The following ABLIM2 variants were observed in gnomAD, a reference collection of about 807,000 sequenced individuals.
The protein encoded by ABLIM2 is actin binding LIM protein family member 2, also known as actin-binding LIM protein 2.
Under a neutral mutation model 97.7 loss-of-function variants are expected in ABLIM2, and 53 were observed. That is an observed-to-expected ratio of 0.54 (90% CI 0.44 to 0.68). The LOEUF (loss-of-function observed/expected upper bound fraction) is 0.68. Ranked by LOEUF, ABLIM2 falls within the 30% of genes least tolerant of loss-of-function variation. The probability of loss-of-function intolerance (pLI) is 0.00; values close to 1 mark genes in which losing one functional copy is unlikely to be tolerated. For synonymous variants in ABLIM2, 361 were observed against 345.8 expected, an observed-to-expected ratio of 1.04 and a Z score of -0.49; for missense variants, 835 against 867.2, an observed-to-expected ratio of 0.96 and a Z score of 0.47.
chr4:8,025,605 A>G (rs1776812553), intron 12 of ABLIM2, among the ~76,000 whole-genome samples: 1 of 152,154 alleles, frequency 6.6e-6, no homozygotes, highest in Non-Finnish European at 1.5e-5. Flanking sequence ...CTGAAGTGGT[A>G]AGAATTAGAC....
At chr4:8,137,555 G>C (rs914969215) in intron 1 of ABLIM2, among the ~76,000 whole-genome samples, 2 of 152,222 alleles carry the variant, frequency 1.3e-5, no homozygotes, top group African/African-American at 4.8e-5. Context: ...GAGCCCCTAA[G>C]AGCTCAGCCT....
chr4:8,098,674 C>T (rs114696815), intron 2 of ABLIM2, among the ~76,000 whole-genome samples: 116 of 152,310 alleles, frequency 7.6e-4, no homozygotes, highest in African/African-American at 2.6e-3. Flanking sequence ...GCTCTACCCG[C>T]GTAGTGTGCT....
In ABLIM2 at chr4:7,992,112, G is replaced by A. The variant is rs1283160257; in HGVS notation, c.1680+754C>T. Among the ~76,000 whole-genome samples the A allele has an allele frequency of 6.6e-6, 1 of 152,076 alleles. No homozygotes were observed. The highest frequency in any genetic ancestry group is 2.4e-5 in the African/African-American group (1 of 41,418). ...CTGTGTGTTGGGGGGTCTGGGACCA[G>A]CAAGCCTGCCCCACCCTAAGGATCC... On this transcript the variant is annotated intron_variant, in intron 17 of 20. Transcript: ENST00000447017. This position sits in a 1 kb window ranked among gnomAD's most constrained non-coding sequence, Gnocchi z 5.7.
chr4:8,020,596 A>G, intron 12 of ABLIM2: 2 of 481,780 alleles, frequency 4.2e-6, no homozygotes, highest in Non-Finnish European at 7.5e-6. Flanking sequence ...TAGGGGGCTC[A>G]CTCCATCTGC....
At chr4:8,097,347 G>T in intron 2 of ABLIM2, 65 bp from the exon 3 acceptor site, 1 of 1,528,418 alleles carries the variant, frequency 6.5e-7, no homozygotes, top group Non-Finnish European at 8.8e-7. Flanking sequence ...CCCCAGGCCC[G>T]AGGTGCACCC....
At chr4:8,042,311 T>G (rs777688006) in intron 9 of ABLIM2, among the ~76,000 whole-genome samples, 14 of 152,178 alleles carry the variant, frequency 9.2e-5, no homozygotes, top group Non-Finnish European at 1.9e-4. Context: ...GAGTCTAACC[T>G]TTCCCTCATT....
rs1274522553 is a variant in ABLIM2, at chr4:8,054,835, G to A, written c.764-589C>T. Reference sequence around the variant, plus strand: ...TGTGTTCGGTGGGAGCTGGGCACAAGGCTCAAACACCAGCCCCACCCTGTT... The same window carrying A: ...TGTGTTCGGTGGGAGCTGGGCACAAAGCTCAAACACCAGCCCCACCCTGTT... On this transcript the variant is annotated intron_variant, in intron 7 of 20. Transcript: ENST00000447017. This position sits in a 1 kb window ranked among gnomAD's most constrained non-coding sequence, Gnocchi z 4.9. Among the ~76,000 whole-genome samples, 3 of 151,882 alleles carry A rather than the reference G, an allele frequency of 2.0e-5. No homozygotes were observed. Among genetic ancestry groups the A allele is most frequent in the East Asian group, 1.9e-4 (1 of 5,158 alleles).
chr4:8,013,720 C>T (rs970485390), intron 14 of ABLIM2, among the ~76,000 whole-genome samples: 4 of 152,226 alleles, frequency 2.6e-5, no homozygotes, highest in Non-Finnish European at 5.9e-5. Context: ...CTCAGGGCTG[C>T]ATCGCCACTG....
chr4:8,089,386 C>G (rs1040731515), intron 3 of ABLIM2, among the ~76,000 whole-genome samples: 4 of 152,194 alleles, frequency 2.6e-5, no homozygotes, highest in African/African-American at 9.7e-5. Flanking sequence ...GGCCAGAGAA[C>G]CAGGTGCTTT....
chr4:8,009,221 T>G (rs1341792826), intron 14 of ABLIM2, 119 bp from the exon 15 acceptor site: 2 of 1,235,526 alleles, frequency 1.6e-6, no homozygotes, highest in Non-Finnish European at 2.4e-6. Context: ...AGAAGGTCAG[T>G]AGTACGAGTG....
In ABLIM2 at chr4:8,069,859, G is replaced by T. The variant is rs1810608608; in HGVS notation, c.675+7769C>A. 6.6e-6 allele frequency among the ~76,000 whole-genome samples: 1 copy of T among 152,040 alleles called. No individual in the cohort carries two copies. Among genetic ancestry groups the T allele is most frequent in the South Asian group, 2.1e-4 (1 of 4,814 alleles). On this transcript the variant is annotated intron_variant, in intron 6 of 20. Transcript: ENST00000447017. This position sits in a 1 kb window ranked among gnomAD's most constrained non-coding sequence, Gnocchi z 4.2. ...TGTGGGTGCCGTGTGTGTTTTCTGT[G>T]TGTCTGCGTTGTCGATGTCTGTGTC...
Position 8,046,046 on chromosome 4 carries a change from C to T in ABLIM2, c.823-805G>A, listed in dbSNP as rs377301783. 6.6e-5 allele frequency among the ~76,000 whole-genome samples: 10 copies of T among 152,134 alleles called. No homozygotes were observed. The highest frequency in any genetic ancestry group is 2.9e-5 in the Non-Finnish European group (2 of 68,018). Reference sequence around the variant, plus strand: ...GACACACAACTTAGAAATGGCCCTTCGGAGCCCCCTGGCAGCCACTCTCCC... The same window carrying T: ...GACACACAACTTAGAAATGGCCCTTTGGAGCCCCCTGGCAGCCACTCTCCC... On this transcript the variant is annotated intron_variant, in intron 8 of 20. Coordinates refer to ENST00000447017, the MANE Select transcript of ABLIM2 (RefSeq NM_001130083.2). This position sits in a 1 kb window ranked among gnomAD's most constrained non-coding sequence, Gnocchi z 4.4.
At chr4:8,084,436 G>A (rs1310817121) in intron 4 of ABLIM2, among the ~76,000 whole-genome samples, 2 of 152,172 alleles carry the variant, frequency 1.3e-5, no homozygotes, top group African/African-American at 4.8e-5. Flanking sequence ...AGGGGGCGGG[G>A]GCTCTGGTTT....
chr4:8,051,456 C>G (rs1251893963), intron 8 of ABLIM2, among the ~76,000 whole-genome samples: 1 of 150,296 alleles, frequency 6.7e-6, no homozygotes, highest in East Asian at 2.0e-4. Flanking sequence ...ACTTGGGAGG[C>G]TGCGGCTGAA....
Position 8,154,281 on chromosome 4 carries a change from CTTTTTT to C in ABLIM2, c.10+4393_10+4398del, listed in dbSNP as rs34112937. Among the ~76,000 whole-genome samples the C allele has an allele frequency of 3.4e-3, 389 of 114,506 alleles. 2 individuals carry two copies. The highest frequency in any genetic ancestry group is 4.5e-3 in the Non-Finnish European group (263 of 58,270). The allele number at this position is 114,506 out of a possible 152,430, so 75.1% of individuals were successfully genotyped here. Reference sequence around the variant, plus strand: ...CCAGCCACTTATTTTCTTTTCTTTTCTTTTTTTTTTTTTTTTTTGGAGACAGAGTCT... The same window carrying C: ...CCAGCCACTTATTTTCTTTTCTTTTCTTTTTTTTTTTTGGAGACAGAGTCT... On this transcript the variant is annotated intron_variant, in intron 1 of 20. Coordinates refer to ENST00000447017, the MANE Select transcript of ABLIM2 (RefSeq NM_001130083.2).
rs924913131 is a variant in ABLIM2 at position 7,992,588 on chromosome 4, T to C, written c.1680+278A>G. ...TGGAGCTGCGCCTGATCACTCTGGG[T>C]GGCCCTTGTCTCCCCTGCTCCCACA... On this transcript the variant is annotated intron_variant, in intron 17 of 20. Coordinates refer to ENST00000447017, the MANE Select transcript of ABLIM2 (RefSeq NM_001130083.2). This position sits in a 1 kb window ranked among gnomAD's most constrained non-coding sequence, Gnocchi z 5.7. Among the ~76,000 whole-genome samples the C allele has an allele frequency of 2.6e-5, 4 of 152,040 alleles. No homozygotes were observed. The highest frequency in any genetic ancestry group is 6.6e-5 in the Admixed American group (1 of 15,264).
intron 1 of ABLIM2, among the ~76,000 whole-genome samples, chr4:8,108,859 G>A (rs1254713933): frequency 2.6e-5 from 4 of 152,228 alleles, no homozygotes; most frequent in African/African-American, 7.2e-5. Context: ...GCAGTCTAAC[G>A]CCAGCTCCCC....
At chr4:8,103,222 TTA>T (rs1385056215) in intron 2 of ABLIM2, among the ~76,000 whole-genome samples, 1 of 152,176 alleles carries the variant, frequency 6.6e-6, no homozygotes, top group African/African-American at 2.4e-5. Flanking sequence ...TGTTGGATAT[TTA>T]TGAGTTGGGT....
chr4:8,083,068 G>A lies in ABLIM2; in HGVS notation c.455-2266C>T, dbSNP rs539143818. ...GGGCAGTGGACACAGGATGCTAACCGTGCCAGGACAGCCGCCCTCAACAGG... is the reference window on the plus strand; with the variant it reads ...GGGCAGTGGACACAGGATGCTAACCATGCCAGGACAGCCGCCCTCAACAGG... On this transcript the variant is annotated intron_variant, in intron 4 of 20. Coordinates refer to ENST00000447017, the MANE Select transcript of ABLIM2 (RefSeq NM_001130083.2). The surrounding 1 kb of genome is among the most constrained non-coding windows in gnomAD (Gnocchi z 4.6). Among the ~76,000 whole-genome samples the A allele has an allele frequency of 2.0e-4, 31 of 152,304 alleles. No individual in the cohort carries two copies. The South Asian group carries it at 5.4e-3, about 26-fold the overall frequency.
Sources: allele counts gnomAD v4.1 joint callset (sites outside exome capture counted in the v4.1 genomes callset), GRCh38; gene constraint gnomAD v4.1.1; non-coding constraint Gnocchi (gnomAD v3.1); transcripts MANE v1.5; gene names NCBI Gene and HGNC (gene_info 2026-07-23, HGNC 2026-07-21).